Variants in FGD3 observed in about 807,000 individuals in gnomAD.
The protein encoded by FGD3 is FYVE, RhoGEF and PH domain-containing protein 3.
FGD3 carries 45 observed loss-of-function variants against 71.8 expected under a neutral mutation model. That is an observed-to-expected ratio of 0.63 (90% confidence interval 0.49 to 0.80). FGD3 has a LOEUF of 0.80. Among genes scored for constraint, FGD3 ranks in the 30% least tolerant of loss-of-function variants. FGD3 has a pLI of 0.00. For missense variants in FGD3, 844 were observed against 951.5 expected (o/e 0.89, Z 1.49); for synonymous variants, 378 against 392.8 (o/e 0.96, Z 0.44).
At chr9:92,963,061 T>G (rs1859202940) in intron 1 of FGD3, among the ~76,000 whole-genome samples, 1 of 152,084 alleles carries the variant, frequency 6.6e-6, no homozygotes, top group African/African-American at 2.4e-5. Context: ...TGGGTGTAGC[T>G]CTGCATCCTC....
At chr9:93,008,029 G>T (rs981526120) in intron 6 of FGD3, among the ~76,000 whole-genome samples, 4 of 152,098 alleles carry the variant, frequency 2.6e-5, no homozygotes, top group Non-Finnish European at 4.4e-5. Flanking sequence ...TTTAATCAAA[G>T]GATATTTTAA....
chr9:93,019,938 G>A, intron 12 of FGD3, 77 bp downstream of exon 12: 1 of 1,539,106 alleles, frequency 6.5e-7, no homozygotes, highest in South Asian at 1.1e-5. Flanking sequence ...GGTTCAGAGG[G>A]TGGGGGCCCT....
At chr9:93,020,285 T>C (rs938834098) in intron 12 of FGD3, 32 bp from the exon 13 acceptor site, 3 of 1,586,674 alleles carry the variant, frequency 1.9e-6, no homozygotes, top group African/African-American at 1.4e-5. Flanking sequence ...CATGCCCCTT[T>C]ATAGTCCTCA....
intron 10 of FGD3, among the ~76,000 whole-genome samples, chr9:93,017,769 C>T (rs934165037): frequency 3.3e-5 from 5 of 151,526 alleles, no homozygotes; most frequent in South Asian, 2.1e-4. Context: ...GCTGCTGTGG[C>T]GGGCAGTGCC....
chr9:93,010,118 T>C, intron 6 of FGD3, 128 bp from the exon 7 acceptor site: 2 of 1,141,054 alleles, frequency 1.8e-6, no homozygotes, highest in Non-Finnish European at 2.5e-6. Context: ...CAGCCATGTC[T>C]TGAAGGACAG....
intron 11 of FGD3, among the ~76,000 whole-genome samples, chr9:93,019,344 G>A (rs894019955): frequency 7.9e-5 from 12 of 152,152 alleles, no homozygotes; most frequent in Admixed American, 3.3e-4. Flanking sequence ...GAGGACCTGC[G>A]CTCCTCCCGA....
At chr9:93,017,843 G>A (rs1038612624) in intron 10 of FGD3, among the ~76,000 whole-genome samples, 12 of 152,068 alleles carry the variant, frequency 7.9e-5, no homozygotes, top group Non-Finnish European at 7.4e-5. Flanking sequence ...TGGGGAGGAT[G>A]CCTGACGGGC....
chr9:93,012,064 G>T lies in FGD3; in HGVS notation c.1035+792G>T, dbSNP rs150035951. Among the ~76,000 whole-genome samples, 1,082 of 149,290 alleles carry T rather than the reference G, an allele frequency of 7.2e-3. 17 individuals are homozygous for T. Among genetic ancestry groups the T allele is most frequent in the African/African-American group, 0.024 (957 of 40,450 alleles). On this transcript the variant is annotated intron_variant, in intron 8 of 17. Transcript: ENST00000375482. ...AGCTACTCAGGAGGCTGAGGCAGGAGAATGGCATGAACCTGGGAGGCGGAG... is the reference window on the plus strand; with the variant it reads ...AGCTACTCAGGAGGCTGAGGCAGGATAATGGCATGAACCTGGGAGGCGGAG...
At chr9:92,978,663 TCCCC>T (rs1859864628) in intron 3 of FGD3, among the ~76,000 whole-genome samples, 1 of 66,490 alleles carries the variant, frequency 1.5e-5, no homozygotes, top group Non-Finnish European at 2.9e-5. Context: ...ACACGCACCC[TCCCC>T]TCCCCTCCCC....
At chr9:92,958,373 T>C (rs1859104313) in intron 1 of FGD3, among the ~76,000 whole-genome samples, 1 of 152,216 alleles carries the variant, frequency 6.6e-6, no homozygotes, top group South Asian at 2.1e-4. Flanking sequence ...ATTTCCCATA[T>C]ATTCCCTGAC....
intron 1 of FGD3, among the ~76,000 whole-genome samples, chr9:92,964,722 G>A (rs1050250387): frequency 6.6e-6 from 1 of 152,156 alleles, no homozygotes; most frequent in African/African-American, 2.4e-5. Context: ...GCCTGGGTCC[G>A]AGGCTGACCA....
intron 6 of FGD3, among the ~76,000 whole-genome samples, chr9:93,007,277 G>C (rs1328991485): frequency 6.6e-6 from 1 of 150,988 alleles, no homozygotes; most frequent in Non-Finnish European, 1.5e-5. Context: ...TTTTTTAGTA[G>C]AGACGGGGTT....
intron 3 of FGD3, among the ~76,000 whole-genome samples, chr9:92,993,529 A>G (rs370997220): frequency 4.6e-5 from 7 of 152,084 alleles, no homozygotes; most frequent in South Asian, 2.1e-4. Context: ...GGTTTGTTAC[A>G]TATGTATACA....
At chr9:92,995,324 C>T (rs12336880) in intron 3 of FGD3, among the ~76,000 whole-genome samples, 21,570 of 152,084 alleles carry the variant, frequency 0.14, 1,908 homozygotes, top group African/African-American at 0.24. Context: ...AAATTGATTT[C>T]GTATCCTGAG....
rs190873717 is a variant in FGD3, at chr9:93,007,518, C to T, written c.837+1338C>T. Among the ~76,000 whole-genome samples the T allele has an allele frequency of 6.5e-3, 987 of 152,300 alleles. 9 individuals are homozygous for T. Among genetic ancestry groups the T allele is most frequent in the Non-Finnish European group, 0.011 (763 of 68,022 alleles). On this transcript the variant is annotated intron_variant, in intron 6 of 17. Coordinates refer to ENST00000375482, the MANE Select transcript of FGD3 (RefSeq NM_001083536.2). ...ACTAAAAATACAAAAATTAGCTGGG[C>T]GTGACATGCCTATAGTCCCAGTTAC...
At chr9:93,026,537 A>G (rs1862120821) in intron 14 of FGD3, among the ~76,000 whole-genome samples, 1 of 152,196 alleles carries the variant, frequency 6.6e-6, no homozygotes, top group Non-Finnish European at 1.5e-5. Context: ...GAGCTGGTGC[A>G]GGGCCAGGAC....
intron 3 of FGD3, among the ~76,000 whole-genome samples, chr9:92,986,045 G>A (rs2118624366): frequency 6.6e-6 from 1 of 152,182 alleles, no homozygotes; most frequent in Admixed American, 6.5e-5. Context: ...TTACCCACTT[G>A]ACAACAGAGG....
chr9:92,989,029 C>G (rs1349125937), intron 3 of FGD3, among the ~76,000 whole-genome samples: 4 of 152,122 alleles, frequency 2.6e-5, no homozygotes, highest in Non-Finnish European at 5.9e-5. Flanking sequence ...TCTTCAATTT[C>G]TTTCATCAGT....
Position 92,976,470 on chromosome 9 carries a change from C to G in FGD3, c.214C>G (p.Pro72Ala). ...AGAGCTGAGTGGTAGCTTAAAGATC[C>G]CCAACCGGGACAGCGGGATCGACAG... ...TGELSGSLKIPNRDSGIDSPS... is the reference protein window; with the variant it reads ...TGELSGSLKIANRDSGIDSPS... Residue 72 changes from proline (P) to alanine (A), a missense_variant, in exon 3 of 18, where the codon CCC (proline) becomes GCC (alanine). By Grantham distance (27) the Pro-to-Ala change is conservative. Coordinates refer to ENST00000375482, the MANE Select transcript of FGD3 (RefSeq NM_001083536.2). 6.2e-7 allele frequency: 1 copy of G among 1,612,022 alleles called. No individual in the cohort carries two copies. The highest frequency in any genetic ancestry group is 8.5e-7 in the Non-Finnish European group (1 of 1,179,536).
Sources: allele counts gnomAD v4.1 joint callset (sites outside exome capture counted in the v4.1 genomes callset), GRCh38; gene constraint gnomAD v4.1.1; transcripts MANE v1.5; gene names NCBI Gene and HGNC (gene_info 2026-07-23, HGNC 2026-07-21).